Variants in ANK3 observed in about 807,000 individuals in gnomAD.
ANK3 encodes the protein ankyrin-3.
A neutral mutation model predicts 370.9 loss-of-function variants in ANK3; 57 were observed. The observed-to-expected ratio is 0.15, with a 90% CI of 0.12 to 0.19. The LOEUF (loss-of-function observed/expected upper bound fraction) is 0.19, where lower values mean the gene tolerates loss of function less well. Ranked by LOEUF, ANK3 falls within the 10% of genes least tolerant of loss-of-function variation. The probability of loss-of-function intolerance (pLI) is 1.00; values close to 1 mark genes in which losing one functional copy is unlikely to be tolerated. For synonymous variants in ANK3, 1,929 were observed against 1,946.3 expected, an observed-to-expected ratio of 0.99 and a Z score of 0.23; for missense variants, 4,439 against 5,302.1, an observed-to-expected ratio of 0.84 and a Z score of 5.06.
chr10:60,622,963 A>G (rs1179173530), intron 1 of ANK3, among the ~76,000 whole-genome samples: 2 of 152,200 alleles, frequency 1.3e-5, no homozygotes, highest in Admixed American at 6.5e-5. Flanking sequence ...AAAACTCCTC[A>G]AAAGAATTTC....
intron 1 of ANK3, among the ~76,000 whole-genome samples, chr10:60,670,113 T>C (rs2079047502): frequency 6.6e-6 from 1 of 152,110 alleles, no homozygotes; most frequent in Admixed American, 6.5e-5. Context: ...CATGAACCAC[T>C]GTGCCCAGCC....
At position 60,184,260 on chromosome 10, in the gene ANK3, T is replaced by C. The variant is rs541779826; in HGVS notation, c.2085+2455A>G. ...GAAGGGAGGAGGGAACAGTGAGTAA[T>C]TGATGCTTAAAACACTGGCAGCTCA... On this transcript the variant is annotated intron_variant, in intron 17 of 43. Transcript: ENST00000280772. Among the ~76,000 whole-genome samples, 42 of 152,312 alleles carry C rather than the reference T, an allele frequency of 2.8e-4. 1 individual carries two copies. The highest frequency in any genetic ancestry group is 9.6e-4 in the African/African-American group (40 of 41,570).
At chr10:60,550,088 T>C (rs2077055732) in intron 2 of ANK3, among the ~76,000 whole-genome samples, 1 of 152,100 alleles carries the variant, frequency 6.6e-6, no homozygotes, top group Admixed American at 6.6e-5. Context: ...ACCTGCCATT[T>C]CATATGAAAA....
At chr10:60,467,670 A>C (rs572930786) in intron 2 of ANK3, among the ~76,000 whole-genome samples, 39 of 152,174 alleles carry the variant, frequency 2.6e-4, no homozygotes, top group Non-Finnish European at 5.0e-4. Context: ...AAAATTATTC[A>C]ATTATTTTAT....
At chr10:60,686,116 T>C (rs1364141809) in intron 1 of ANK3, among the ~76,000 whole-genome samples, 2 of 152,146 alleles carry the variant, frequency 1.3e-5, no homozygotes, top group Admixed American at 1.3e-4. Flanking sequence ...AAGATAATTT[T>C]AAATAAGTGT....
chr10:60,055,732 T>G lies in ANK3; in HGVS notation c.12991A>C (p.Arg4331=). ...GGCTTGCCATCTGCTGGAGAAGTCCTACTCATCTTTTTCATACTGACAGGC... is the reference window on the plus strand; with the variant it reads ...GGCTTGCCATCTGCTGGAGAAGTCCGACTCATCTTTTTCATACTGACAGGC... ...CVPVSMKKMS[R]TSPADGKPRL... Residue 4331 remains arginine (R), a synonymous_variant, in exon 42 of 44, where the codon AGG becomes CGG. Transcript: ENST00000280772. The G allele has an allele frequency of 6.2e-7, 1 of 1,614,192 alleles. No individual in the cohort carries two copies. Among genetic ancestry groups the G allele is most frequent in the Non-Finnish European group, 8.5e-7 (1 of 1,180,024 alleles).
rs978912684 is a variant in ANK3, at chr10:60,026,530, C to T, written c.*3316G>A. ...TTTTGTGATTTATTTCTGGGCTTCT[C>T]ACATATCCCTGTCATACAGCCAAAC... On this transcript the variant is annotated 3_prime_UTR_variant, in exon 44 of 44. Coordinates refer to ENST00000280772, the MANE Select transcript of ANK3 (RefSeq NM_020987.5). 1.3e-5 allele frequency: 2 copies of T among 152,208 alleles called. No individual in the cohort carries two copies. Among genetic ancestry groups the T allele is most frequent in the Non-Finnish European group, 2.9e-5 (2 of 68,044 alleles). The allele number at this position is 152,208 out of a possible 1,614,324, so 9.4% of individuals were successfully genotyped here.
At position 60,072,411 on chromosome 10, in the gene ANK3, A is replaced by G. The variant is rs1005558373; in HGVS notation, c.8470T>C (p.Ser2824Pro). 1.2e-6 allele frequency: 2 copies of G among 1,613,980 alleles called. No homozygotes were observed. Among genetic ancestry groups the G allele is most frequent in the African/African-American group, 2.7e-5 (2 of 74,928 alleles). The change falls in exon 37 of 44, where the codon TCT becomes CCT. Residue 2824 changes from serine (S) to proline (P), a missense_variant. Physicochemically the swap from Ser to Pro is moderately conservative, Grantham distance 74 (BLOSUM62 -1). Around this residue, in one of 13 missense-constraint regions of ANK3, gnomAD observed 1,601 missense variants for 1,731.7 expected, o/e 0.92. Transcript: ENST00000280772. ...TCTTTAGCCTGCTGCTCAGAAAAAGAGTCAGGCATTGCTTTACTTGACATT... is the reference window on the plus strand; with the variant it reads ...TCTTTAGCCTGCTGCTCAGAAAAAGGGTCAGGCATTGCTTTACTTGACATT... ...TEMSSKAMPD[S>P]FSEQQAKDLA... is the part of the protein sequence containing the mutation.
chr10:60,205,663 T>C, intron 11 of ANK3, 129 bp downstream of exon 11: 2 of 671,900 alleles, frequency 3.0e-6, no homozygotes, highest in South Asian at 3.7e-5. Flanking sequence ...TCCTAAAGAG[T>C]TCAGAATGCA....
rs145971956 is a variant in ANK3, at chr10:60,234,721, G to A, written c.864C>T (p.Leu288=). Residue 288 remains leucine (L), a synonymous_variant, in exon 8 of 44, where the codon CTC becomes CTT. Coordinates refer to ENST00000280772, the MANE Select transcript of ANK3 (RefSeq NM_020987.5). ...TGGCATCGATTTTAGCTCCTCGATC[G>A]AGCAATAGTTTTACCATATTTGCAT... The part of the protein sequence containing the change: ...RGNANMVKLL[L]DRGAKIDAKT... 119 of 1,613,326 alleles carry A rather than the reference G, an allele frequency of 7.4e-5. No individual in the cohort carries two copies. In the African/African-American group the frequency reaches 8.9e-4, roughly 12 times the overall value.
chr10:60,085,181 G>A lies in ANK3; in HGVS notation c.3821C>T (p.Ser1274Phe). Residue 1274 changes from serine (S) to phenylalanine (F), a missense_variant, in exon 31 of 44, where the codon TCC (serine) becomes TTC (phenylalanine). Coordinates refer to ENST00000280772, the MANE Select transcript of ANK3 (RefSeq NM_020987.5). Reference sequence around the variant, plus strand: ...CCTGGCTGAAACATTGGTTGTAAAGGAGACACAATCTTTTATAAACGTCAA... The same window carrying A: ...CCTGGCTGAAACATTGGTTGTAAAGAAGACACAATCTTTTATAAACGTCAA... ...TPLTFIKDCV[S>F]FTTNVSARFW... The A allele has an allele frequency of 6.2e-7, 1 of 1,612,618 alleles. No homozygotes were observed. Among genetic ancestry groups the A allele is most frequent in the Non-Finnish European group, 8.5e-7 (1 of 1,179,370 alleles).
intron 2 of ANK3, among the ~76,000 whole-genome samples, chr10:60,450,553 G>A (rs2064572195): frequency 6.6e-6 from 1 of 152,076 alleles, no homozygotes; most frequent in Admixed American, 6.6e-5. Flanking sequence ...AGTAGGAGAG[G>A]AAAGAGAACT....
chr10:60,121,275 T>C (rs984948466), intron 25 of ANK3, among the ~76,000 whole-genome samples: 3 of 151,540 alleles, frequency 2.0e-5, no homozygotes, highest in African/African-American at 7.3e-5. Flanking sequence ...ATTAAAATAA[T>C]TGAGTTCATG....
intron 1 of ANK3, among the ~76,000 whole-genome samples, chr10:60,637,231 A>G (rs1394465727): frequency 1.3e-5 from 2 of 152,096 alleles, no homozygotes; most frequent in Admixed American, 6.6e-5. Context: ...CCATGCTACT[A>G]AGTTCCCCAA....
In ANK3 at chr10:60,726,767, G is replaced by A. The variant is rs10994483; in HGVS notation, c.57+6496C>T. 3.0e-4 allele frequency among the ~76,000 whole-genome samples: 45 copies of A among 152,144 alleles called. No individual in the cohort carries two copies. The East Asian group carries it at 4.8e-3, about 16-fold the overall frequency. On this transcript the variant is annotated intron_variant, in intron 1 of 43. Coordinates refer to the ANK3 transcript ENST00000373827. ...ATAAACAAAATTCACTGAATTGAGC[G>A]CTTTAGATGGGTGAATTCTATGGTA... is the stretch of plus-strand genomic sequence containing the variant.
chr10:60,066,113 G>C (rs1015680362), intron 38 of ANK3, among the ~76,000 whole-genome samples: 1 of 152,090 alleles, frequency 6.6e-6, no homozygotes, highest in Non-Finnish European at 1.5e-5. Flanking sequence ...ATTCTAGTTA[G>C]AGAAGTTAAT....
chr10:60,402,785 C>A, intron 2 of ANK3, among the ~76,000 whole-genome samples: 1 of 152,300 alleles, frequency 6.6e-6, no homozygotes, highest in East Asian at 1.9e-4. Context: ...CAAGCCCCAG[C>A]AGCAGCATCA....
In ANK3 at chr10:60,359,623, T is replaced by C. The variant is rs956131282; in HGVS notation, c.114+29802A>G. Among the ~76,000 whole-genome samples the C allele has an allele frequency of 2.6e-5, 4 of 152,276 alleles. No homozygotes were observed. The East Asian group carries it at 7.7e-4, about 29-fold the overall frequency. ...GATCTAAATCCTTACTAATTGGTCT[T>C]TTAAAAATCCCTTTAAAAACAAAGC... On this transcript the variant is annotated intron_variant, in intron 1 of 43. Transcript: ENST00000280772.
At chr10:60,707,910 G>GA (rs893627253) in intron 1 of ANK3, among the ~76,000 whole-genome samples, 1 of 151,788 alleles carries the variant, frequency 6.6e-6, no homozygotes, top group African/African-American at 2.4e-5. Context: ...CAACAAAAAG[G>GA]AAAAAAAGGG....
Sources: allele counts gnomAD v4.1 joint callset (sites outside exome capture counted in the v4.1 genomes callset), GRCh38; gene constraint gnomAD v4.1.1; regional missense constraint gnomAD v4.1.1; transcripts MANE v1.5; gene names NCBI Gene and HGNC (gene_info 2026-07-23, HGNC 2026-07-21).